Variants in EPS8 observed in about 807,000 individuals in gnomAD.
EPS8 encodes the protein EGFR pathway substrate 8, signaling adaptor.
Under a neutral mutation model 103.8 loss-of-function variants are expected in EPS8, and 42 were observed. That is an observed-to-expected ratio of 0.40 (90% confidence interval 0.32 to 0.52). The LOEUF is 0.52. EPS8 is among the 20% of genes least tolerant of loss of function. EPS8 has a pLI of 0.40. For missense variants in EPS8, 969 were observed against 1,005.1 expected, an observed-to-expected ratio of 0.96 and a Z score of 0.49; for synonymous variants, 344 against 344.6, an observed-to-expected ratio of 1.00 and a Z score of 0.02.
chr12:15,689,724 T>C (rs1328891250), intron 1 of EPS8, among the ~76,000 whole-genome samples: 1 of 152,196 alleles, frequency 6.6e-6, no homozygotes, highest in Non-Finnish European at 1.5e-5. Context: ...GTGCAATTGG[T>C]CACCAGAACT....
chr12:15,707,318 T>C (rs191231793), intron 1 of EPS8, among the ~76,000 whole-genome samples: 166 of 152,294 alleles, frequency 1.1e-3, no homozygotes, highest in Admixed American at 2.7e-3. Context: ...CTACCAAAAA[T>C]GTAAAAAGCA....
At chr12:15,667,736 C>A (rs1464610259) in intron 6 of EPS8, among the ~76,000 whole-genome samples, 1 of 152,120 alleles carries the variant, frequency 6.6e-6, no homozygotes, top group Non-Finnish European at 1.5e-5. Flanking sequence ...CTGCGTTTTT[C>A]ATTGCCTCTA....
chr12:15,672,390 T>C (rs1463977464), intron 3 of EPS8: 5 of 397,722 alleles, frequency 1.3e-5, no homozygotes, highest in Non-Finnish European at 2.2e-5. Context: ...ACTCCATTTT[T>C]GCTTTTGCAG....
Position 15,737,993 on chromosome 12 carries a change from C to T in EPS8, c.-22+51168G>A, listed in dbSNP as rs182908379. 6.6e-4 allele frequency among the ~76,000 whole-genome samples: 100 copies of T among 152,076 alleles called. No homozygotes were observed. In the Middle Eastern group the frequency reaches 0.01, roughly 16 times the overall value. ...GAGTAGCATTTTTCCACTTTTTATA[C>T]AAACTTTAAAATTAGCTAAACAAAT... On this transcript the variant is annotated intron_variant, in intron 1 of 20. Transcript: ENST00000281172.
chr12:15,643,530 AGGAGT>A (rs1286406412), intron 15 of EPS8, among the ~76,000 whole-genome samples: 4 of 152,258 alleles, frequency 2.6e-5, no homozygotes, highest in Non-Finnish European at 5.9e-5. Flanking sequence ...ACCTGAGGTC[AGGAGT>A]TTGAGACCAG....
intron 17 of EPS8, among the ~76,000 whole-genome samples, chr12:15,633,135 A>C (rs1945078558): frequency 6.6e-6 from 1 of 152,128 alleles, no homozygotes; most frequent in Non-Finnish European, 1.5e-5. Context: ...CTTAGCATTC[A>C]AGGCTTAGAA....
rs1331397409 is a variant in EPS8 at position 15,716,044 on chromosome 12, G to A, written c.-21-33072C>T. Among the ~76,000 whole-genome samples, 2 of 152,082 alleles carry A rather than the reference G, an allele frequency of 1.3e-5. No homozygotes were observed. The highest frequency in any genetic ancestry group is 2.9e-5 in the Non-Finnish European group (2 of 68,000). ...TAGCAAGAAGAAAACCCTTCAAAAC[G>A]AAGAATATAATCAAAATAAACACTA... On this transcript the variant is annotated intron_variant, in intron 1 of 20. Coordinates refer to ENST00000281172, the MANE Select transcript of EPS8 (RefSeq NM_004447.6). This position sits in a 1 kb window ranked among gnomAD's most constrained non-coding sequence, Gnocchi z 5.0.
intron 1 of EPS8, among the ~76,000 whole-genome samples, chr12:15,686,762 T>A (rs1322193676): frequency 6.6e-6 from 1 of 152,174 alleles, no homozygotes; most frequent in Non-Finnish European, 1.5e-5. Flanking sequence ...TCATATCAAT[T>A]TTCAAATTGG....
Position 15,747,758 on chromosome 12 carries a change from C to G in EPS8, c.-22+41403G>C, listed in dbSNP as rs960618665. Among the ~76,000 whole-genome samples, 17 of 152,172 alleles carry G rather than the reference C, an allele frequency of 1.1e-4. No individual in the cohort carries two copies. Among genetic ancestry groups the G allele is most frequent in the African/African-American group, 4.1e-4 (17 of 41,426 alleles). On this transcript the variant is annotated intron_variant, in intron 1 of 20. Transcript: ENST00000281172. The surrounding 1 kb of genome is among the most constrained non-coding windows in gnomAD (Gnocchi z 4.4). ...AAAAATAGCCAGGCGCAGTGGCTCA[C>G]GCCTGTAATCCCAGCACTTTGGGAG...
intron 17 of EPS8, among the ~76,000 whole-genome samples, chr12:15,634,183 A>C (rs1039218039): frequency 7.9e-5 from 12 of 152,214 alleles, no homozygotes; most frequent in African/African-American, 2.9e-4. Flanking sequence ...AAAGTTCCAC[A>C]TCTTCACAAA....
Position 15,769,941 on chromosome 12 carries a change from GT to G in EPS8, c.-22+19219del, listed in dbSNP as rs989287481. On this transcript the variant is annotated intron_variant, in intron 1 of 20. Transcript: ENST00000281172. This position sits in a 1 kb window ranked among gnomAD's most constrained non-coding sequence, Gnocchi z 4.6. ...GTAATTTTCATGTTTTTTTAATTAG[GT>G]TTTTTTTTTTCTTTTTTGAGACTAG... is the stretch of plus-strand genomic sequence containing the variant. 4.7e-4 allele frequency among the ~76,000 whole-genome samples: 69 copies of G among 146,088 alleles called. No individual in the cohort carries two copies. The highest frequency in any genetic ancestry group is 2.4e-3 in the East Asian group (12 of 5,038).
intron 8 of EPS8, chr12:15,664,911 A>G (rs1945681225): frequency 6.6e-6 from 1 of 152,214 alleles, no homozygotes; most frequent in Admixed American, 6.5e-5. Context: ...ATTCTAACAT[A>G]TAAAAAGTAA....
chr12:15,639,400 C>T (rs1418675497), intron 17 of EPS8, among the ~76,000 whole-genome samples: 1 of 152,042 alleles, frequency 6.6e-6, no homozygotes, highest in African/African-American at 2.4e-5. Flanking sequence ...ACTTCAAAAA[C>T]CCATGGGAAA....
rs1165179688 is a variant in EPS8 at position 15,749,438 on chromosome 12, G to A, written c.-22+39723C>T. ...CTAAGCAAAGGGCCTGCACATAATAGAGCTCAATAATCATTTGCCTAATGA... is the reference window on the plus strand; with the variant it reads ...CTAAGCAAAGGGCCTGCACATAATAAAGCTCAATAATCATTTGCCTAATGA... On this transcript the variant is annotated intron_variant, in intron 1 of 20. Transcript: ENST00000281172. The surrounding 1 kb of genome is among the most constrained non-coding windows in gnomAD (Gnocchi z 4.0). Among the ~76,000 whole-genome samples, 1 of 152,102 alleles carries A rather than the reference G, an allele frequency of 6.6e-6. No homozygotes were observed. Among genetic ancestry groups the A allele is most frequent in the Non-Finnish European group, 1.5e-5 (1 of 68,024 alleles).
At chr12:15,651,235 C>A (rs1036237700) in intron 13 of EPS8, among the ~76,000 whole-genome samples, 5 of 152,196 alleles carry the variant, frequency 3.3e-5, no homozygotes, top group Admixed American at 1.3e-4. Flanking sequence ...AATTCTGTTG[C>A]ATGATCTGTT....
In EPS8 at chr12:15,631,636, G is replaced by A; in HGVS notation, c.1850C>T (p.Pro617Leu). 1 of 1,613,628 alleles carries A rather than the reference G, an allele frequency of 6.2e-7. No individual in the cohort carries two copies. The highest frequency in any genetic ancestry group is 8.5e-7 in the Non-Finnish European group (1 of 1,179,808). Residue 617 changes from proline (P) to leucine (L), a missense_variant, in exon 18 of 21, where the codon CCA becomes CTA. Coordinates refer to ENST00000281172, the MANE Select transcript of EPS8 (RefSeq NM_004447.6). Reference sequence around the variant, plus strand: ...TGATGGAGCAGGGGGAGTATCAGCTGGTCTTGGGCCATACTCCATCCTTTG... The same window carrying A: ...TGATGGAGCAGGGGGAGTATCAGCTAGTCTTGGGCCATACTCCATCCTTTG... ...QKQRMEYGPR[P>L]ADTPPAPSPP... is the part of the protein sequence containing the mutation.
At chr12:15,682,205 C>T (rs1946020401) in intron 2 of EPS8, among the ~76,000 whole-genome samples, 2 of 152,108 alleles carry the variant, frequency 1.3e-5, no homozygotes. Flanking sequence ...ATGTAACATT[C>T]CCAGAATAGA....
intron 1 of EPS8, among the ~76,000 whole-genome samples, chr12:15,686,415 G>A (rs1276849066): frequency 2.0e-5 from 3 of 152,048 alleles, no homozygotes; most frequent in Non-Finnish European, 4.4e-5. Context: ...TTGCTCAAGG[G>A]TCAGCTATAT....
chr12:15,773,517 GC>G (rs2136045807), intron 1 of EPS8, among the ~76,000 whole-genome samples: 1 of 151,754 alleles, frequency 6.6e-6, no homozygotes, highest in African/African-American at 2.4e-5. Flanking sequence ...GTGTTTATCA[GC>G]CCCTTCAAGA....
Sources: allele counts gnomAD v4.1 joint callset (sites outside exome capture counted in the v4.1 genomes callset), GRCh38; gene constraint gnomAD v4.1.1; non-coding constraint Gnocchi (gnomAD v3.1); transcripts MANE v1.5; gene names NCBI Gene and HGNC (gene_info 2026-07-23, HGNC 2026-07-21).